Variants in MCC observed in about 807,000 individuals in gnomAD.
MCC encodes colorectal mutant cancer protein.
In MCC, 90 loss-of-function variants were observed where a neutral mutation model predicts 116.2. The observed-to-expected ratio is 0.77, with a 90% CI of 0.65 to 0.92. MCC has a LOEUF of 0.92. MCC is among the 40% of genes least tolerant of loss of function. The pLI is 0.00. For missense variants in MCC, 1,516 were observed against 1,312.2 expected (o/e 1.16, Z -2.40); for synonymous variants, 578 against 510.5 (o/e 1.13, Z -1.78).
At chr5:113,193,268 C>G (rs1762234507) in intron 3 of MCC, among the ~76,000 whole-genome samples, 2 of 151,382 alleles carry the variant, frequency 1.3e-5, no homozygotes, top group African/African-American at 2.4e-5. Context: ...ACAGCCTCAT[C>G]TCAAGATTCT....
chr5:113,198,454 G>C (rs976163718), intron 3 of MCC, among the ~76,000 whole-genome samples: 2 of 152,026 alleles, frequency 1.3e-5, no homozygotes, highest in South Asian at 4.2e-4. Context: ...CAGCACTTTG[G>C]GAGGTTGAGG....
intron 5 of MCC, among the ~76,000 whole-genome samples, chr5:113,125,530 C>T (rs904946832): frequency 6.6e-6 from 1 of 152,176 alleles, no homozygotes; most frequent in African/African-American, 2.4e-5. Context: ...ATATCCTTAT[C>T]TCTCATTGGC....
chr5:113,129,440 C>T (rs1006627740), intron 5 of MCC, among the ~76,000 whole-genome samples: 1 of 152,176 alleles, frequency 6.6e-6, no homozygotes, highest in Admixed American at 6.5e-5. Context: ...ATACCATAGA[C>T]AGGGTGGCTT....
chr5:113,185,972 C>A (rs1761877942), intron 3 of MCC, among the ~76,000 whole-genome samples: 1 of 151,952 alleles, frequency 6.6e-6, no homozygotes, highest in African/African-American at 2.4e-5. Flanking sequence ...TGAGAGCCAC[C>A]AAGACCCTGA....
chr5:113,254,809 G>A (rs1369070754), intron 3 of MCC, among the ~76,000 whole-genome samples: 1 of 152,186 alleles, frequency 6.6e-6, no homozygotes, highest in African/African-American at 2.4e-5. Context: ...ATCTAAGAGT[G>A]TGAAAGACAC....
At chr5:113,401,898 G>A (rs1001738686) in intron 1 of MCC, among the ~76,000 whole-genome samples, 4 of 151,800 alleles carry the variant, frequency 2.6e-5, no homozygotes, top group African/African-American at 9.7e-5. Flanking sequence ...CACCCAGGTT[G>A]GAATGCAGTG....
intron 3 of MCC, among the ~76,000 whole-genome samples, chr5:113,307,187 T>C (rs1162787235): frequency 2.0e-5 from 3 of 152,310 alleles, no homozygotes; most frequent in East Asian, 1.9e-4. Flanking sequence ...TTGTGCCAAG[T>C]AGACAGATGA....
chr5:113,263,185 A>T (rs1765277313), intron 3 of MCC, among the ~76,000 whole-genome samples: 1 of 152,230 alleles, frequency 6.6e-6, no homozygotes, highest in Admixed American at 6.5e-5. Flanking sequence ...TCAACAGCTC[A>T]GTGGCATCTG....
intron 3 of MCC, among the ~76,000 whole-genome samples, chr5:113,290,806 C>A (rs1230756402): frequency 6.6e-6 from 1 of 152,146 alleles, no homozygotes; most frequent in Non-Finnish European, 1.5e-5. Flanking sequence ...TGAATTCAAA[C>A]ATTTAGTTTT....
intron 1 of MCC, among the ~76,000 whole-genome samples, chr5:113,460,297 C>A (rs1771708736): frequency 6.6e-6 from 1 of 152,180 alleles, no homozygotes; most frequent in Non-Finnish European, 1.5e-5. Flanking sequence ...TGTGACACAT[C>A]ATCTGAGGCA....
chr5:113,394,185 A>C (rs1769470186), intron 1 of MCC, among the ~76,000 whole-genome samples: 1 of 152,068 alleles, frequency 6.6e-6, no homozygotes, highest in African/African-American at 2.4e-5. Flanking sequence ...GAAATCTAGA[A>C]GTTATCTAGG....
intron 2 of MCC, among the ~76,000 whole-genome samples, chr5:113,378,761 A>G (rs1331529021): frequency 6.6e-6 from 1 of 152,204 alleles, no homozygotes; most frequent in Non-Finnish European, 1.5e-5. Flanking sequence ...AGTACATGGA[A>G]TCCATGTGTA....
At chr5:113,173,640 T>A (rs1434859113) in intron 3 of MCC, among the ~76,000 whole-genome samples, 3 of 152,198 alleles carry the variant, frequency 2.0e-5, no homozygotes, top group African/African-American at 4.8e-5. Flanking sequence ...ACTCCATTTA[T>A]CAAATTGTAT....
chr5:113,077,004 A>G (rs941462103), intron 11 of MCC, among the ~76,000 whole-genome samples: 1 of 152,234 alleles, frequency 6.6e-6, no homozygotes, highest in Non-Finnish European at 1.5e-5. Flanking sequence ...AGGGGTTGCA[A>G]TCCTAGTCTC....
At chr5:113,458,207 G>C (rs973783420) in intron 1 of MCC, among the ~76,000 whole-genome samples, 1 of 152,128 alleles carries the variant, frequency 6.6e-6, no homozygotes, top group Admixed American at 6.5e-5. Context: ...TCTTGCTACT[G>C]CTCACTCTTT....
At chr5:113,040,170 A>T (rs1438963073) in intron 17 of MCC, among the ~76,000 whole-genome samples, 1 of 132,198 alleles carries the variant, frequency 7.6e-6, no homozygotes, top group Admixed American at 8.6e-5. Flanking sequence ...GGAGTTATAC[A>T]TACAGTAAAG....
intron 11 of MCC, among the ~76,000 whole-genome samples, chr5:113,073,020 G>A (rs189799852): frequency 6.6e-6 from 1 of 151,742 alleles, no homozygotes; most frequent in East Asian, 1.9e-4. Context: ...CAACCTGTGG[G>A]CTGCATGGGG....
At chr5:113,189,290 G>A (rs1036055774) in intron 3 of MCC, among the ~76,000 whole-genome samples, 1 of 152,176 alleles carries the variant, frequency 6.6e-6, no homozygotes. Flanking sequence ...GGCTCTGGGG[G>A]AAGGACTTAC....
In MCC at chr5:113,151,515, C is replaced by T. The variant is rs143295091; in HGVS notation, c.628-93G>A. 1,473 of 682,256 alleles carry T rather than the reference C, an allele frequency of 2.2e-3. 37 individuals are homozygous for T. The Admixed American group carries it at 0.04, about 18-fold the overall frequency. The allele number at this position is 682,256 out of a possible 1,614,324, so 42.3% of individuals were successfully genotyped here. A position where few individuals can be genotyped will look rare whatever the true frequency, so the allele number is the denominator to read the frequency against. ...CAACTAGTATAACCAAATAAAAAGCCTATCATCCAAAAAGCAACACTTTTG... is the reference window on the plus strand; with the variant it reads ...CAACTAGTATAACCAAATAAAAAGCTTATCATCCAAAAAGCAACACTTTTG... On this transcript the variant is annotated intron_variant, in intron 3 of 18. Transcript: ENST00000408903.
Sources: gnomAD v4.1 joint callset for allele counts (sites outside exome capture counted in the v4.1 genomes callset) on GRCh38, gnomAD v4.1.1 for gene constraint, MANE v1.5 for transcripts, NCBI Gene and HGNC (gene_info 2026-07-23, HGNC 2026-07-21) for gene names.